Variants in ERC1 observed in about 807,000 individuals in gnomAD.
The protein encoded by ERC1 is ELKS/RAB6-interacting/CAST family member 1.
In ERC1, 56 loss-of-function variants were observed where a neutral mutation model predicts 132.0. That is an observed-to-expected ratio of 0.42 (90% CI 0.34 to 0.53). The LOEUF is 0.53. ERC1 is among the 20% of genes least tolerant of loss of function. The probability of loss-of-function intolerance (pLI) is 0.03; values close to 1 mark genes in which losing one functional copy is unlikely to be tolerated. For missense variants in ERC1, 1,202 were observed against 1,349.9 expected (o/e 0.89, Z 1.72); for synonymous variants, 478 against 476.1 (o/e 1.00, Z -0.05).
rs531036797 is a variant in ERC1 at position 1,177,042 on chromosome 12, C to T, written c.1738-3498C>T. On this transcript the variant is annotated intron_variant, in intron 8 of 18. Transcript: ENST00000360905. The stretch of plus-strand genomic sequence containing the variant: ...TATGGAGACGGCTTCTTTCCTTAAA[C>T]CTCATGACCAACCTCTGCTAGCTTG... Among the ~76,000 whole-genome samples, 32 of 152,280 alleles carry T rather than the reference C, an allele frequency of 2.1e-4. No homozygotes were observed. In the South Asian group the frequency reaches 3.5e-3, roughly 17 times the overall value.
At chr12:1,275,616 A>G (rs548870359) in intron 14 of ERC1, among the ~76,000 whole-genome samples, 3 of 152,282 alleles carry the variant, frequency 2.0e-5, no homozygotes, top group East Asian at 3.9e-4. Flanking sequence ...TTTGCTGGTC[A>G]ATTGCATGTT....
chr12:1,388,372 G>A (rs1014006454), intron 16 of ERC1, among the ~76,000 whole-genome samples: 3 of 140,230 alleles, frequency 2.1e-5, no homozygotes, highest in Admixed American at 7.2e-5. Flanking sequence ...AAAAAAATTA[G>A]CCTCATGAAT....
intron 14 of ERC1, among the ~76,000 whole-genome samples, chr12:1,274,792 G>T (rs2078147245): frequency 1.3e-5 from 2 of 152,108 alleles, no homozygotes; most frequent in South Asian, 4.1e-4. Flanking sequence ...TGCCTAGCTG[G>T]AGGGCATCTC....
At chr12:1,044,711 A>G (rs1970805005) in intron 2 of ERC1, among the ~76,000 whole-genome samples, 1 of 152,214 alleles carries the variant, frequency 6.6e-6, no homozygotes, top group Admixed American at 6.5e-5. Flanking sequence ...AGAGGCAAAC[A>G]GTAGCATGGG....
At chr12:1,477,794 G>A (rs963652520) in intron 18 of ERC1, among the ~76,000 whole-genome samples, 1 of 152,140 alleles carries the variant, frequency 6.6e-6, no homozygotes, top group Non-Finnish European at 1.5e-5. Flanking sequence ...AGGATAACCT[G>A]ACCTCAAACA....
rs751433639 is a variant in ERC1 at position 1,229,123 on chromosome 12, A to G, written c.2352-7646A>G. 4.1e-4 allele frequency among the ~76,000 whole-genome samples: 63 copies of G among 152,122 alleles called. 2 individuals are homozygous for G. The highest frequency in any genetic ancestry group is 3.4e-4 in the Non-Finnish European group (23 of 68,026). Reference sequence around the variant, plus strand: ...CTTAAGTGTTTGGTGGAAATCAGCTATGAAGCCATCTGGTCCTCAGCTTTT... The same window carrying G: ...CTTAAGTGTTTGGTGGAAATCAGCTGTGAAGCCATCTGGTCCTCAGCTTTT... On this transcript the variant is annotated intron_variant, in intron 12 of 18. Transcript: ENST00000360905.
At chr12:1,255,408 G>A (rs1457394963) in intron 13 of ERC1, among the ~76,000 whole-genome samples, 1 of 151,986 alleles carries the variant, frequency 6.6e-6, no homozygotes, top group Admixed American at 6.6e-5. Context: ...ATAAACATTC[G>A]TGTGCATGTA....
intron 12 of ERC1, among the ~76,000 whole-genome samples, chr12:1,224,754 G>T (rs1310910236): frequency 1.3e-5 from 2 of 152,160 alleles, no homozygotes; most frequent in African/African-American, 4.8e-5. Flanking sequence ...GCTGAGGCTG[G>T]AGGATTGCTT....
intron 10 of ERC1, 50 bp downstream of exon 10, chr12:1,182,115 GT>G: frequency 6.4e-7 from 1 of 1,569,612 alleles, no homozygotes; most frequent in South Asian, 1.1e-5. Flanking sequence ...CATTGCATGT[GT>G]CTGTATGTTG....
intron 16 of ERC1, among the ~76,000 whole-genome samples, chr12:1,383,788 A>G (rs567195540): frequency 2.3e-4 from 35 of 152,348 alleles, no homozygotes; most frequent in African/African-American, 8.2e-4. Flanking sequence ...TTTCTGGAAA[A>G]CAGTATTCAC....
intron 16 of ERC1, among the ~76,000 whole-genome samples, chr12:1,400,231 T>G (rs2090905213): frequency 6.6e-6 from 1 of 152,252 alleles, no homozygotes; most frequent in Non-Finnish European, 1.5e-5. Context: ...GAATCTTCTT[T>G]GTTGATTGAA....
intron 8 of ERC1, 73 bp downstream of exon 8, chr12:1,141,860 A>G (rs1949891179): frequency 8.3e-7 from 1 of 1,198,824 alleles, no homozygotes; most frequent in Admixed American, 3.0e-5. Context: ...AGTTATTTCT[A>G]AATGCTGTCA....
At chr12:1,093,856 A>G (rs1029070358) in intron 3 of ERC1, among the ~76,000 whole-genome samples, 4 of 147,444 alleles carry the variant, frequency 2.7e-5, no homozygotes, top group African/African-American at 9.9e-5. Context: ...ATTAAAGAAA[A>G]AAAGAAACAT....
chr12:1,408,317 A>G, intron 17 of ERC1, 70 bp downstream of exon 17: 1 of 1,056,794 alleles, frequency 9.5e-7, no homozygotes, highest in Non-Finnish European at 1.4e-6. Context: ...TTGTACTAGC[A>G]TGTTGCAAAT....
chr12:1,459,219 G>A (rs907364065), intron 18 of ERC1, among the ~76,000 whole-genome samples: 2 of 152,072 alleles, frequency 1.3e-5, no homozygotes, highest in African/African-American at 4.8e-5. Context: ...ATTTAATTTA[G>A]GGTCTCCTAG....
At chr12:1,269,324 C>A (rs974760220) in intron 14 of ERC1, among the ~76,000 whole-genome samples, 1 of 152,186 alleles carries the variant, frequency 6.6e-6, no homozygotes, top group African/African-American at 2.4e-5. Flanking sequence ...AGAGAGGGTC[C>A]TCTGTGAAAG....
intron 14 of ERC1, among the ~76,000 whole-genome samples, chr12:1,276,263 G>GTC (rs1214899676): frequency 6.8e-6 from 1 of 146,668 alleles, no homozygotes; most frequent in African/African-American, 2.5e-5. Flanking sequence ...TTGAGATGGA[G>GTC]TCTCTCTCTG....
intron 2 of ERC1, among the ~76,000 whole-genome samples, chr12:1,044,688 A>G (rs1970802785): frequency 6.6e-6 from 1 of 152,216 alleles, no homozygotes; most frequent in African/African-American, 2.4e-5. Context: ...TATACCTTTC[A>G]TGATCTGCTA....
At chr12:1,296,640 C>A (rs2079972737) in intron 15 of ERC1, among the ~76,000 whole-genome samples, 1 of 151,960 alleles carries the variant, frequency 6.6e-6, no homozygotes, top group Admixed American at 6.5e-5. Context: ...CTCAAACTCC[C>A]AACCTCAGGT....
Sources: gnomAD v4.1 joint callset for allele counts (sites outside exome capture counted in the v4.1 genomes callset) on GRCh38, gnomAD v4.1.1 for gene constraint, MANE v1.5 for transcripts, NCBI Gene and HGNC (gene_info 2026-07-23, HGNC 2026-07-21) for gene names.